CPEB3: variants seen among roughly 807,000 people sequenced by gnomAD.
The protein encoded by CPEB3 is cytoplasmic polyadenylation element binding protein 3, also known as cytoplasmic polyadenylation element-binding protein 3.
CPEB3 carries 20 observed loss-of-function variants against 67.2 expected under a neutral mutation model. The ratio of observed to expected loss-of-function variants is 0.30; its 90% CI spans 0.21 to 0.43. The LOEUF is 0.43. Among genes scored for constraint, CPEB3 ranks in the 20% least tolerant of loss-of-function variants. The probability of loss-of-function intolerance (pLI) is 1.00; values close to 1 mark genes in which losing one functional copy is unlikely to be tolerated. For synonymous variants in CPEB3, 376 were observed against 393.1 expected, an observed-to-expected ratio of 0.96 and a Z score of 0.51; for missense variants, 746 against 968.6, an observed-to-expected ratio of 0.77 and a Z score of 3.05.
chr10:92,268,434 C>T (rs1853158349), intron 1 of CPEB3, among the ~76,000 whole-genome samples: 1 of 152,062 alleles, frequency 6.6e-6, no homozygotes, highest in South Asian at 2.1e-4. Context: ...TCAAGACCAG[C>T]CTGGCCAATG....
intron 1 of CPEB3, among the ~76,000 whole-genome samples, chr10:92,286,108 T>G (rs991548550): frequency 6.6e-6 from 1 of 152,010 alleles, no homozygotes; most frequent in African/African-American, 2.4e-5. Flanking sequence ...GCTAATTTTT[T>G]GTATTTTTAG....
chr10:92,286,064 T>C (rs1842513359), intron 1 of CPEB3, among the ~76,000 whole-genome samples: 1 of 151,456 alleles, frequency 6.6e-6, no homozygotes, highest in Admixed American at 6.6e-5. Context: ...GCCTCCCGAG[T>C]AGCTGGGACT....
At position 92,179,270 on chromosome 10, in the gene CPEB3, G is replaced by T. The variant is rs192071236; in HGVS notation, c.1222+1693C>A. On this transcript the variant is annotated intron_variant, in intron 4 of 9. Coordinates refer to ENST00000265997, the MANE Select transcript of CPEB3 (RefSeq NM_014912.5). ...ATGAAATCTTGGATTTAAAAGCAGAGAATTAAAGAAAATCAAACCAAAGAG... is the reference window on the plus strand; with the variant it reads ...ATGAAATCTTGGATTTAAAAGCAGATAATTAAAGAAAATCAAACCAAAGAG... Among the ~76,000 whole-genome samples the T allele has an allele frequency of 2.5e-4, 38 of 152,120 alleles. 1 individual carries two copies. Among genetic ancestry groups the T allele is most frequent in the African/African-American group, 9.2e-4 (38 of 41,508 alleles).
chr10:92,091,157 G>A (rs1210133482), intron 8 of CPEB3, among the ~76,000 whole-genome samples: 1 of 152,102 alleles, frequency 6.6e-6, no homozygotes, highest in Non-Finnish European at 1.5e-5. Flanking sequence ...CTAAGTCTAT[G>A]TGCATATAAA....
intron 4 of CPEB3, among the ~76,000 whole-genome samples, chr10:92,172,195 G>A (rs973652359): frequency 3.3e-5 from 5 of 152,208 alleles, no homozygotes; most frequent in African/African-American, 1.2e-4. Flanking sequence ...AAGGTCACAT[G>A]GCAAATAAGT....
At chr10:92,115,769 T>C (rs1473718203) in intron 6 of CPEB3, among the ~76,000 whole-genome samples, 1 of 152,206 alleles carries the variant, frequency 6.6e-6, no homozygotes, top group Non-Finnish European at 1.5e-5. Flanking sequence ...ACAATGTTAT[T>C]TGATGCTCAC....
chr10:92,246,754 C>A (rs777212934), intron 1 of CPEB3, among the ~76,000 whole-genome samples: 2 of 151,960 alleles, frequency 1.3e-5, no homozygotes, highest in African/African-American at 4.8e-5. Context: ...ATGATCCACC[C>A]GCCTCGGCCT....
chr10:92,048,850 T>C lies in CPEB3; in HGVS notation c.*3362A>G, dbSNP rs971702225. ...AACTGAAAATGAAAAAAATAAACTT[T>C]TAAAGAATTAGCATCATAAAATTAA... is the stretch of plus-strand genomic sequence containing the variant. On this transcript the variant is annotated 3_prime_UTR_variant, in exon 10 of 10. Coordinates refer to ENST00000265997, the MANE Select transcript of CPEB3 (RefSeq NM_014912.5). This position sits in a 1 kb window ranked among gnomAD's most constrained non-coding sequence, Gnocchi z 4.1. 1 of 152,512 alleles carries C rather than the reference T, an allele frequency of 6.6e-6. No individual in the cohort carries two copies. The highest frequency in any genetic ancestry group is 1.5e-5 in the Non-Finnish European group (1 of 68,002). The allele number at this position is 152,512 out of a possible 1,614,324, so 9.4% of individuals were successfully genotyped here. A position where few individuals can be genotyped will look rare whatever the true frequency, so the allele number is the denominator to read the frequency against.
At chr10:92,195,766 G>C (rs969707627) in intron 2 of CPEB3, among the ~76,000 whole-genome samples, 1 of 152,064 alleles carries the variant, frequency 6.6e-6, no homozygotes, top group Non-Finnish European at 1.5e-5. Context: ...AATCCCTCAA[G>C]GTAGATAACA....
rs543719723 is a variant in CPEB3 at position 92,157,831 on chromosome 10, T to A, written c.1223-12746A>T. Among the ~76,000 whole-genome samples the A allele has an allele frequency of 4.0e-4, 61 of 152,276 alleles. 1 individual carries two copies. The South Asian group carries it at 0.012, about 31-fold the overall frequency. ...TTAAGGAGAAATAGTCTTTGCTATATCTTTTTTATAATTAAAAGAACAAAT... is the reference window on the plus strand; with the variant it reads ...TTAAGGAGAAATAGTCTTTGCTATAACTTTTTTATAATTAAAAGAACAAAT... On this transcript the variant is annotated intron_variant, in intron 4 of 9. Coordinates refer to ENST00000265997, the MANE Select transcript of CPEB3 (RefSeq NM_014912.5).
rs567585734 is a variant in CPEB3, at chr10:92,104,681, C to T, written c.1572+6395G>A. On this transcript the variant is annotated intron_variant, in intron 7 of 9. Coordinates refer to ENST00000265997, the MANE Select transcript of CPEB3 (RefSeq NM_014912.5). ...GATTATAGTCGTGAGGCACCACGCC[C>T]GGCTGGAAATGCAACGTTTTTTAGA... Among the ~76,000 whole-genome samples, 9 of 151,968 alleles carry T rather than the reference C, an allele frequency of 5.9e-5. No individual in the cohort carries two copies. The South Asian group carries it at 6.3e-4, about 11-fold the overall frequency.
intron 2 of CPEB3, among the ~76,000 whole-genome samples, chr10:92,219,997 A>C (rs1235247900): frequency 1.3e-5 from 2 of 152,218 alleles, no homozygotes; most frequent in Non-Finnish European, 2.9e-5. Flanking sequence ...ATCTCTGCTA[A>C]AAATACAAAA....
At chr10:92,142,395 A>C (rs921087551) in intron 6 of CPEB3, among the ~76,000 whole-genome samples, 8 of 152,214 alleles carry the variant, frequency 5.3e-5, no homozygotes, top group African/African-American at 1.7e-4. Context: ...AACACACCCA[A>C]ATGAATATCA....
At chr10:92,053,766 C>A (rs922118845) in intron 9 of CPEB3, among the ~76,000 whole-genome samples, 3 of 152,214 alleles carry the variant, frequency 2.0e-5, no homozygotes, top group African/African-American at 7.2e-5. Context: ...TGGTCTCGAT[C>A]CCCTGACCTC....
chr10:92,283,121 G>A (rs945127960), intron 1 of CPEB3, among the ~76,000 whole-genome samples: 7 of 152,112 alleles, frequency 4.6e-5, no homozygotes, highest in Non-Finnish European at 7.4e-5. Flanking sequence ...GCATGGTGGC[G>A]TGTGCCTGTA....
chr10:92,209,678 C>T (rs191831554), intron 2 of CPEB3, among the ~76,000 whole-genome samples: 91 of 152,042 alleles, frequency 6.0e-4, no homozygotes, highest in African/African-American at 2.0e-3. Context: ...CAGCAGCTCA[C>T]GCTTGTAATC....
chr10:92,203,428 G>GTA (rs1415358161), intron 2 of CPEB3, among the ~76,000 whole-genome samples: 4 of 134,610 alleles, frequency 3.0e-5, no homozygotes, highest in African/African-American at 9.6e-5. Flanking sequence ...ATATATATAC[G>GTA]TATATATGTA....
chr10:92,215,037 G>A (rs553931140), intron 2 of CPEB3, among the ~76,000 whole-genome samples: 13 of 151,794 alleles, frequency 8.6e-5, no homozygotes, highest in Admixed American at 3.9e-4. Flanking sequence ...TAGTGGAGGC[G>A]GGGTTTTGCC....
chr10:92,200,012 T>C (rs1849442907), intron 2 of CPEB3, among the ~76,000 whole-genome samples: 1 of 152,154 alleles, frequency 6.6e-6, no homozygotes, highest in Non-Finnish European at 1.5e-5. Context: ...AATGAGACTA[T>C]TATATTTGTA....
Sources: gnomAD v4.1 joint callset for allele counts (sites outside exome capture counted in the v4.1 genomes callset) on GRCh38, gnomAD v4.1.1 for gene constraint, Gnocchi (gnomAD v3.1) non-coding constraint, MANE v1.5 for transcripts, NCBI Gene and HGNC (gene_info 2026-07-23, HGNC 2026-07-21) for gene names.